The following ZACN variants were observed in gnomAD, a reference collection of about 807,000 sequenced individuals.
ZACN encodes the protein ligand-gated cation channel ZACN.
Under a neutral mutation model 38.9 loss-of-function variants are expected in ZACN, and 52 were observed. That is an observed-to-expected ratio of 1.34 (90% CI 1.07 to 1.68). ZACN has a LOEUF of 1.68. Among genes scored for constraint, ZACN ranks in the 40% most tolerant of loss-of-function variants. The probability of loss-of-function intolerance (pLI) is 0.00; values close to 1 mark genes in which losing one functional copy is unlikely to be tolerated. For synonymous variants in ZACN, 235 were observed against 227.4 expected (o/e 1.03, Z -0.30); for missense variants, 559 against 525.6 (o/e 1.06, Z -0.62).
Position 76,081,706 on chromosome 17 carries a change from C to T in ZACN, c.831C>T (p.Ser277=), listed in dbSNP as rs554067922. 9 of 1,614,114 alleles carry T rather than the reference C, an allele frequency of 5.6e-6. No homozygotes were observed. The Admixed American group carries it at 1.2e-4, about 21-fold the overall frequency. The change falls in exon 7 of 9, where the codon TCC becomes TCT. Residue 277 remains serine, a synonymous_variant. Coordinates refer to ENST00000334586, the MANE Select transcript of ZACN (RefSeq NM_180990.4). ...TGCTGAGTTACCTCGTCCTCCACTC[C>T]TCCCTGGTGCAGGCCCTGCCCAGCT... ...TLLLSYLVLH[S]SLVQALPSSS...
At chr17:76,080,077 T>A in intron 4 of ZACN, 83 bp downstream of exon 4, 1 of 1,490,052 alleles carries the variant, frequency 6.7e-7, no homozygotes, top group Non-Finnish European at 9.1e-7. Flanking sequence ...GCTGTCTGAG[T>A]GAATATGACC....
At chr17:76,082,220 G>A (rs924248715) in intron 8 of ZACN, 171 bp downstream of exon 8, 4 of 919,558 alleles carry the variant, frequency 4.3e-6, no homozygotes, top group South Asian at 3.6e-5. Context: ...TCTGGGGCAG[G>A]GAGCAAGCTG....
At chr17:76,080,970 G>T in intron 5 of ZACN, 1 of 401,388 alleles carries the variant, frequency 2.5e-6, no homozygotes, top group Non-Finnish European at 4.8e-6. Context: ...TGCTTCAGCT[G>T]TGAGATGATA....
chr17:76,079,562 T>C lies in ZACN; in HGVS notation c.221T>C (p.Val74Ala). The change falls in exon 2 of 9, where the codon GTG (valine) becomes GCG (alanine). Residue 74 changes from valine (V) to alanine (A), a missense_variant and splice_region_variant. By Grantham distance (64) the Val-to-Ala change is moderately conservative. Coordinates refer to ENST00000334586, the MANE Select transcript of ZACN (RefSeq NM_180990.4). ...GTGTTTGTCTCCAACGTGTTTAATG[T>C]GGTAAGTGCCTCTAGGCCAAGGGCC... Reference protein sequence around the residue: ...VRVFVSNVFNVDILRYTMSSM... With the variant: ...VRVFVSNVFNADILRYTMSSM... The C allele has an allele frequency of 6.2e-7, 1 of 1,614,202 alleles. No homozygotes were observed.
In ZACN at chr17:76,079,898, A is replaced by C; in HGVS notation, c.278A>C (p.Asp93Ala). 1 of 1,595,530 alleles carries C rather than the reference A, an allele frequency of 6.3e-7. No homozygotes were observed. ...SMLLLRLSWL[D>A]TRLAWNTSAH... ...CCCTTGTGTCCCCAGTCCTGGCTGG[A>C]CACTCGCCTGGCCTGGAACACTAGT... is the stretch of plus-strand genomic sequence containing the variant. The change falls in exon 4 of 9, where the codon GAC becomes GCC. Residue 93 changes from aspartate to alanine, a missense_variant. Transcript: ENST00000334586.
chr17:76,079,648 T>C, intron 2 of ZACN, 54 bp from the exon 3 acceptor site: 9 of 1,611,272 alleles, frequency 5.6e-6, no homozygotes, highest in Non-Finnish European at 7.6e-6. Flanking sequence ...GGTCTCCTGC[T>C]GCGTTCTTTC....
At chr17:76,079,772 G>A in intron 3 of ZACN, 26 bp downstream of exon 3, 1 of 1,611,498 alleles carries the variant, frequency 6.2e-7, no homozygotes, top group South Asian at 1.1e-5. Flanking sequence ...TGGGGAGGTG[G>A]GATGGGAAAG....
At position 76,079,296 on chromosome 17, in the gene ZACN, C is replaced by CCTTCCTGGGG. The variant is rs760776242; in HGVS notation, c.33_42dup (p.Phe15LeufsTer62). ...GCCCTATGGTCCCTGCTCCATCTCA[C>CCTTCCTGGGG]CTTCCTGGGGTTCAGCATTACCTTG... On this transcript the variant is annotated frameshift_variant, in exon 1 of 9. Transcript: ENST00000334586. LOFTEE classifies it high-confidence loss of function. 7.4e-6 allele frequency: 12 copies of CCTTCCTGGGG among 1,614,052 alleles called. No individual in the cohort carries two copies. Among genetic ancestry groups the CCTTCCTGGGG allele is most frequent in the Non-Finnish European group, 1.0e-5 (12 of 1,179,952 alleles).
chr17:76,081,974 G>A lies in ZACN; in HGVS notation c.973G>A (p.Ala325Thr). ...AGLLARGNLG[A>T]KSGPSPAPRG... The stretch of plus-strand genomic sequence containing the variant: ...GCTGCTGGCCCGGGGCAACCTTGGG[G>A]CCAAGAGCGGCCCCAGCCCAGCCCC... Residue 325 changes from alanine (A) to threonine (T), a missense_variant, in exon 8 of 9, where the codon GCC becomes ACC. Transcript: ENST00000334586. 2 of 1,612,502 alleles carry A rather than the reference G, an allele frequency of 1.2e-6. No homozygotes were observed. The highest frequency in any genetic ancestry group is 1.7e-6 in the Non-Finnish European group (2 of 1,179,736).
chr17:76,081,501 C>T (rs1373887778), intron 6 of ZACN, 44 bp from the exon 7 acceptor site: 6 of 1,610,458 alleles, frequency 3.7e-6, no homozygotes, highest in Non-Finnish European at 5.1e-6. Context: ...CGATGCCCAC[C>T]TCCTTCCCCC....
At chr17:76,080,135 A>G in intron 4 of ZACN, 120 bp from the exon 5 acceptor site, 2 of 1,468,226 alleles carry the variant, frequency 1.4e-6, no homozygotes, top group Non-Finnish European at 1.8e-6. Context: ...ACTGCCTCGA[A>G]TTCCCCTCCC....
rs536879025 is a variant in ZACN at position 76,079,706 on chromosome 17, T to A, written c.227T>A (p.Ile76Asn). ...GATGCATTGCCCTTCCCCCAGGACA[T>A]CCTGCGATACACAATGTCCTCCATG... is the stretch of plus-strand genomic sequence containing the variant. The part of the protein sequence containing the change: ...VFVSNVFNVD[I>N]LRYTMSSMLL... The change falls in exon 3 of 9, where the codon ATC (isoleucine) becomes AAC (asparagine). Residue 76 changes from isoleucine (I) to asparagine (N), a missense_variant. Ile to Asn is a moderately radical substitution (Grantham distance 149). Transcript: ENST00000334586. 2 of 1,613,570 alleles carry A rather than the reference T, an allele frequency of 1.2e-6. No individual in the cohort carries two copies. Among genetic ancestry groups the A allele is most frequent in the Non-Finnish European group, 1.7e-6 (2 of 1,179,644 alleles).
At position 76,082,058 on chromosome 17, in the gene ZACN, G is replaced by A. The variant is rs1275628767; in HGVS notation, c.1048+9G>A. On this transcript the variant is annotated intron_variant, in intron 8 of 8. Coordinates refer to ENST00000334586, the MANE Select transcript of ZACN (RefSeq NM_180990.4). The stretch of plus-strand genomic sequence containing the variant: ...GCCTCATCCTGCTGAAGGTGGGCAG[G>A]GGCTGGGGGGTAAGGAATGAGGCCT... 1 of 1,596,356 alleles carries A rather than the reference G, an allele frequency of 6.3e-7. No homozygotes were observed. Among genetic ancestry groups the A allele is most frequent in the East Asian group, 2.3e-5 (1 of 43,796 alleles).
rs888369915 is a variant in ZACN at position 76,080,379 on chromosome 17, G to C, written c.499G>C (p.Asp167His). 1 of 1,614,104 alleles carries C rather than the reference G, an allele frequency of 6.2e-7. No individual in the cohort carries two copies. Among genetic ancestry groups the C allele is most frequent in the Non-Finnish European group, 8.5e-7 (1 of 1,180,024 alleles). The change falls in exon 5 of 9, where the codon GAC becomes CAC. Residue 167 changes from aspartate (D) to histidine (H), a missense_variant. Transcript: ENST00000334586. ...CNFELLHFPR[D>H]HSNCSLSFYA... is the part of the protein sequence containing the mutation. The stretch of plus-strand genomic sequence containing the variant: ...CTTTGAGCTCCTCCACTTCCCCCGG[G>C]ACCACAGCAACTGCAGCCTCAGCTT...
In ZACN at chr17:76,082,802, T is replaced by G. The variant is rs1459163945; in HGVS notation, c.*149T>G. On this transcript the variant is annotated 3_prime_UTR_variant, in exon 9 of 9. Coordinates refer to ENST00000334586, the MANE Select transcript of ZACN (RefSeq NM_180990.4). ...GAGCGTGAAATAAACCCATCTCCAGTGCAAGTGTGCCTCAAGGGTCAGTCT... is the reference window on the plus strand; with the variant it reads ...GAGCGTGAAATAAACCCATCTCCAGGGCAAGTGTGCCTCAAGGGTCAGTCT... 1.4e-6 allele frequency: 1 copy of G among 717,266 alleles called. No homozygotes were observed. Among genetic ancestry groups the G allele is most frequent in the Non-Finnish European group, 2.1e-6 (1 of 477,766 alleles). The allele number at this position is 717,266 out of a possible 1,614,324, so 44.4% of individuals were successfully genotyped here.
rs1014267713 is a variant in ZACN at position 76,080,303 on chromosome 17, G to C, written c.423G>C (p.Gln141His). 1.2e-6 allele frequency: 2 copies of C among 1,613,692 alleles called. No homozygotes were observed. Among genetic ancestry groups the C allele is most frequent in the East Asian group, 2.2e-5 (1 of 44,852 alleles). The change falls in exon 5 of 9, where the codon CAG becomes CAC. Residue 141 changes from glutamine to histidine, a missense_variant. Physicochemically the swap from Gln to His is conservative, Grantham distance 24. Coordinates refer to ENST00000334586, the MANE Select transcript of ZACN (RefSeq NM_180990.4). ...AGAGCCCCCAGGCTCGAGTAGACCA[G>C]GACGGCCACGTGAAGCTCAACCTGG... ...RDQSPQARVD[Q>H]DGHVKLNLAL...
In ZACN at chr17:76,082,036, T is replaced by C; in HGVS notation, c.1035T>C (p.Pro345=). The C allele has an allele frequency of 1.2e-6, 2 of 1,608,396 alleles. No homozygotes were observed. Among genetic ancestry groups the C allele is most frequent in the South Asian group, 2.2e-5 (2 of 90,570 alleles). ...AGCGAGAGCACGGCAACCCAGGGCC[T>C]CATCCTGCTGAAGGTGGGCAGGGGC... ...GEQREHGNPG[P]HPAEEPSRGV... Residue 345 remains proline, a synonymous_variant, in exon 8 of 9, where the codon CCT becomes CCC. Coordinates refer to ENST00000334586, the MANE Select transcript of ZACN (RefSeq NM_180990.4).
Position 76,079,710 on chromosome 17 carries a change from G to A in ZACN, c.231G>A (p.Leu77=). 1 of 1,613,592 alleles carries A rather than the reference G, an allele frequency of 6.2e-7. No homozygotes were observed. The highest frequency in any genetic ancestry group is 1.3e-5 in the African/African-American group (1 of 75,034). The change falls in exon 3 of 9, where the codon CTG becomes CTA. Residue 77 remains leucine (L), a synonymous_variant. Transcript: ENST00000334586. ...CATTGCCCTTCCCCCAGGACATCCT[G>A]CGATACACAATGTCCTCCATGCTGC... is the stretch of plus-strand genomic sequence containing the variant. ...FVSNVFNVDI[L]RYTMSSMLLL... is the part of the protein sequence containing the mutation.
At chr17:76,080,127 T>C in intron 4 of ZACN, 128 bp from the exon 5 acceptor site, 1 of 1,462,014 alleles carries the variant, frequency 6.8e-7, no homozygotes, top group Non-Finnish European at 9.2e-7. Context: ...GCACCTTCAC[T>C]GCCTCGAATT....
Sources: gnomAD v4.1 joint callset for allele counts on GRCh38, gnomAD v4.1.1 for gene constraint, MANE v1.5 for transcripts, NCBI Gene and HGNC (gene_info 2026-07-23, HGNC 2026-07-21) for gene names.